DDX42: variants seen among roughly 807,000 people sequenced by gnomAD.
DDX42 encodes the protein DEAD-box helicase 42.
Under a neutral mutation model 101.5 loss-of-function variants are expected in DDX42, and 22 were observed. The observed-to-expected ratio is 0.22, with a 90% CI of 0.15 to 0.31. The LOEUF is 0.31. Among genes scored for constraint, DDX42 ranks in the 10% least tolerant of loss-of-function variants. The pLI is 1.00. For synonymous variants in DDX42, 402 were observed against 401.2 expected, an observed-to-expected ratio of 1.00 and a Z score of -0.02; for missense variants, 849 against 1,199.9, an observed-to-expected ratio of 0.71 and a Z score of 4.32.
chr17:63,775,752 G>A (rs1484551898), intron 1 of DDX42, among the ~76,000 whole-genome samples: 4 of 152,112 alleles, frequency 2.6e-5, no homozygotes, highest in Non-Finnish European at 5.9e-5. Flanking sequence ...GGGAGTGAGC[G>A]GAACAACCAA....
chr17:63,784,235 T>C (rs1009571699), intron 1 of DDX42, among the ~76,000 whole-genome samples: 1 of 152,182 alleles, frequency 6.6e-6, no homozygotes, highest in Non-Finnish European at 1.5e-5. Context: ...TTTGGAATTT[T>C]TTTCCACCCT....
At chr17:63,804,677 T>C (rs2039816836) in intron 6 of DDX42, among the ~76,000 whole-genome samples, 1 of 152,160 alleles carries the variant, frequency 6.6e-6, no homozygotes, top group South Asian at 2.1e-4. Context: ...TAAGAGTCTC[T>C]TTAGGAAGTA....
At position 63,817,990 on chromosome 17, in the gene DDX42, C is replaced by T; in HGVS notation, c.2409C>T (p.Ser803=). The T allele has an allele frequency of 6.2e-7, 1 of 1,614,078 alleles. No individual in the cohort carries two copies. Among genetic ancestry groups the T allele is most frequent in the Non-Finnish European group, 8.5e-7 (1 of 1,180,024 alleles). Residue 803 remains serine (S), a synonymous_variant, in exon 18 of 18, where the codon AGC becomes AGT. Coordinates refer to ENST00000389924, the MANE Select transcript of DDX42 (RefSeq NM_203499.3). ...ACAGCCGAGAAGGGACTGGGGGCAG[C>T]AACGGGAAAAGAGAGAGATATACTG... ...GNNSREGTGG[S]NGKRERYTEN... is the part of the protein sequence containing the mutation.
At position 63,809,557 on chromosome 17, in the gene DDX42, T is replaced by C. The variant is rs762626851; in HGVS notation, c.1153-3T>C. 28 of 1,612,230 alleles carry C rather than the reference T, an allele frequency of 1.7e-5. No individual in the cohort carries two copies. The highest frequency in any genetic ancestry group is 5.5e-5 in the South Asian group (5 of 91,048). ...CTTACTGTTCATTTTGTTGATCTTA[T>C]AGGGTCGACTGATAGATCATGTGAA... On this transcript the variant is annotated splice_polypyrimidine_tract_variant and splice_region_variant and intron_variant, in intron 10 of 17. Transcript: ENST00000389924.
intron 2 of DDX42, among the ~76,000 whole-genome samples, chr17:63,791,770 T>C (rs1478429005): frequency 6.6e-6 from 1 of 152,172 alleles, no homozygotes; most frequent in Non-Finnish European, 1.5e-5. Flanking sequence ...CTTTTGGCTG[T>C]GCACAGTGGC....
rs759284636 is a variant in DDX42 at position 63,818,288 on chromosome 17, A to C, written c.2707A>C (p.Lys903Gln). 6 of 1,614,194 alleles carry C rather than the reference A, an allele frequency of 3.7e-6. No homozygotes were observed. Among genetic ancestry groups the C allele is most frequent in the Non-Finnish European group, 5.1e-6 (6 of 1,180,042 alleles). Residue 903 changes from lysine (K) to glutamine (Q), a missense_variant, in exon 18 of 18, where the codon AAA becomes CAA. Physicochemically the swap from Lys to Gln is moderately conservative, Grantham distance 53. Transcript: ENST00000389924. ...CAAGATGGAGCCCAAGATGGAACCCAAAGTGGACAGCAGCAAGATGGACAA... is the reference window on the plus strand; with the variant it reads ...CAAGATGGAGCCCAAGATGGAACCCCAAGTGGACAGCAGCAAGATGGACAA... ...ESKMEPKMEPKVDSSKMDKVD... is the reference protein window; with the variant it reads ...ESKMEPKMEPQVDSSKMDKVD...
intron 1 of DDX42, among the ~76,000 whole-genome samples, 156 bp from the exon 2 acceptor site, chr17:63,786,878 A>G (rs2039553693): frequency 6.6e-6 from 1 of 152,018 alleles, no homozygotes; most frequent in Admixed American, 6.6e-5. Context: ...GGTTTTCACC[A>G]TATTGGCCAG....
chr17:63,813,541 A>C, intron 15 of DDX42, 87 bp downstream of exon 15: 1 of 1,279,908 alleles, frequency 7.8e-7, no homozygotes, highest in Non-Finnish European at 1.1e-6. Context: ...TAAAAACTTG[A>C]CAAGAAAGTT....
intron 1 of DDX42, among the ~76,000 whole-genome samples, chr17:63,784,509 G>A (rs986276902): frequency 6.6e-6 from 1 of 152,210 alleles, no homozygotes; most frequent in African/African-American, 2.4e-5. Flanking sequence ...GCAAGGTGGT[G>A]TGAGTCATGT....
chr17:63,800,797 G>A (rs1217081213), intron 6 of DDX42, among the ~76,000 whole-genome samples, 180 bp downstream of exon 6: 1 of 152,214 alleles, frequency 6.6e-6, no homozygotes, highest in East Asian at 1.9e-4. Context: ...TTGTTCAAAA[G>A]TATAACCAAA....
In DDX42 at chr17:63,774,243, TGGC is replaced by T. The variant is rs3834577; in HGVS notation, c.-136_-134del. ...GCGGTGGCGGCGGCGGTGGTGGTGGTGGCGGCGGCGGCGGCGAAGGGGGCGGAG... is the reference window on the plus strand; with the variant it reads ...GCGGTGGCGGCGGCGGTGGTGGTGGTGGCGGCGGCGGCGAAGGGGGCGGAG... On this transcript the variant is annotated 5_prime_UTR_variant, in exon 1 of 18. Coordinates refer to ENST00000389924, the MANE Select transcript of DDX42 (RefSeq NM_203499.3). 67,772 of 242,150 alleles carry T rather than the reference TGGC, an allele frequency of 0.28. 14,503 individuals are homozygous for T. The highest frequency in any genetic ancestry group is 0.66 in the African/African-American group (22,455 of 33,904). The allele number at this position is 242,150 out of a possible 1,614,324, so 15.0% of individuals were successfully genotyped here.
chr17:63,808,813 T>C lies in DDX42; in HGVS notation c.1024-7T>C, dbSNP rs752452030. ...AGTTTGTTAATATATTATTCACAAC[T>C]TTGTAGATCCATGCAGAATGTAAGC... On this transcript the variant is annotated splice_region_variant and splice_polypyrimidine_tract_variant and intron_variant, in intron 9 of 17. Coordinates refer to ENST00000389924, the MANE Select transcript of DDX42 (RefSeq NM_203499.3). 2.3e-5 allele frequency: 37 copies of C among 1,613,586 alleles called. No homozygotes were observed. The Admixed American group carries it at 6.0e-4, about 26-fold the overall frequency.
chr17:63,777,528 A>T (rs1057376925), intron 1 of DDX42, among the ~76,000 whole-genome samples: 4 of 151,472 alleles, frequency 2.6e-5, no homozygotes, highest in Non-Finnish European at 5.9e-5. Flanking sequence ...GCTCACTGCA[A>T]GCTCCGTCTC....
At chr17:63,790,319 T>C (rs986799387) in intron 2 of DDX42, among the ~76,000 whole-genome samples, 7 of 152,288 alleles carry the variant, frequency 4.6e-5, no homozygotes, top group Admixed American at 2.0e-4. Flanking sequence ...GGAGTTGGCA[T>C]AAGCATATAG....
chr17:63,789,656 C>T (rs925645164), intron 2 of DDX42, among the ~76,000 whole-genome samples: 1 of 146,290 alleles, frequency 6.8e-6, no homozygotes, highest in Admixed American at 7.1e-5. Context: ...TCACAGCAAC[C>T]TCTGCCTCCT....
At chr17:63,783,222 G>T (rs1361365965) in intron 1 of DDX42, among the ~76,000 whole-genome samples, 1 of 152,152 alleles carries the variant, frequency 6.6e-6, no homozygotes, top group Non-Finnish European at 1.5e-5. Context: ...AACAGGGACT[G>T]TATCTTTCAT....
intron 6 of DDX42, 98 bp from the exon 7 acceptor site, chr17:63,804,968 GCTTTA>G: frequency 1.3e-5 from 18 of 1,406,100 alleles, no homozygotes; most frequent in East Asian, 2.5e-5. Context: ...AGCTGGAATG[GCTTTA>G]CTTGTGTAAA....
intron 1 of DDX42, among the ~76,000 whole-genome samples, chr17:63,778,567 T>TA (rs1253516546): frequency 6.6e-6 from 1 of 152,220 alleles, no homozygotes; most frequent in Admixed American, 6.5e-5. Flanking sequence ...TTAGAGCAGT[T>TA]ACTGGCACAA....
intron 16 of DDX42, 138 bp from the exon 17 acceptor site, chr17:63,816,730 C>T: frequency 3.8e-6 from 2 of 522,490 alleles, no homozygotes. Context: ...TCTTTTCTCA[C>T]AAAGCAGTAG....
Sources: gnomAD v4.1 joint callset for allele counts (sites outside exome capture counted in the v4.1 genomes callset) on GRCh38, gnomAD v4.1.1 for gene constraint, MANE v1.5 for transcripts, NCBI Gene and HGNC (gene_info 2026-07-23, HGNC 2026-07-21) for gene names.